Variants in ZNF609 observed in about 807,000 individuals in gnomAD.
ZNF609 encodes zinc finger protein 609.
In ZNF609, 11 loss-of-function variants were observed where a neutral mutation model predicts 109.5. The observed-to-expected ratio is 0.10, with a 90% CI of 0.06 to 0.17. The LOEUF (loss-of-function observed/expected upper bound fraction) is 0.17. Among genes scored for constraint, ZNF609 ranks in the 10% least tolerant of loss-of-function variants. The probability of loss-of-function intolerance (pLI) is 1.00; values close to 1 mark genes in which losing one functional copy is unlikely to be tolerated. For missense variants in ZNF609, 1,559 were observed against 1,772.4 expected (o/e 0.88, Z 2.16); for synonymous variants, 646 against 662.0 (o/e 0.98, Z 0.37).
At chr15:64,662,300 T>C (rs988464540) in intron 3 of ZNF609, among the ~76,000 whole-genome samples, 3 of 152,166 alleles carry the variant, frequency 2.0e-5, no homozygotes, top group Non-Finnish European at 2.9e-5. Flanking sequence ...CTTCTGCAAG[T>C]TGCTAAAGGC....
chr15:64,564,419 T>C (rs1894741497), intron 2 of ZNF609, among the ~76,000 whole-genome samples: 2 of 152,124 alleles, frequency 1.3e-5, no homozygotes, highest in South Asian at 4.1e-4. Context: ...GCTGTAAGTA[T>C]AGTGGGTGTT....
chr15:64,593,186 A>T (rs1895331597), intron 2 of ZNF609: 1 of 1,530,298 alleles, frequency 6.5e-7, no homozygotes. Context: ...GCTGTATGTG[A>T]AGCTGCATTA....
chr15:64,497,911 A>T (rs1452868068), intron 1 of ZNF609, among the ~76,000 whole-genome samples: 3 of 151,494 alleles, frequency 2.0e-5, no homozygotes, highest in Non-Finnish European at 2.9e-5. Context: ...AAAAAAAAAA[A>T]ATTTTTTTTT....
At chr15:64,463,858 G>T (rs758645423) in intron 1 of ZNF609, among the ~76,000 whole-genome samples, 2 of 152,178 alleles carry the variant, frequency 1.3e-5, no homozygotes, top group Non-Finnish European at 1.5e-5. Flanking sequence ...AAAGCTTTTT[G>T]CTCTTGGGCT....
chr15:64,583,619 A>T (rs1423151933), intron 2 of ZNF609, among the ~76,000 whole-genome samples: 1 of 151,954 alleles, frequency 6.6e-6, no homozygotes, highest in Non-Finnish European at 1.5e-5. Flanking sequence ...TTTGTGTTTG[A>T]CTGTTGCTGT....
chr15:64,510,653 G>A (rs1468147035), intron 2 of ZNF609, among the ~76,000 whole-genome samples: 1 of 152,126 alleles, frequency 6.6e-6, no homozygotes, highest in Non-Finnish European at 1.5e-5. Context: ...GTTTTTGAAT[G>A]TATGTCTTGT....
At chr15:64,465,598 G>A (rs922143547) in intron 1 of ZNF609, among the ~76,000 whole-genome samples, 20 of 151,792 alleles carry the variant, frequency 1.3e-4, no homozygotes, top group African/African-American at 4.4e-4. Flanking sequence ...CCAGGCTGCT[G>A]TAGAGCTCCT....
chr15:64,642,895 TTAGC>T (rs1326888575), intron 3 of ZNF609, among the ~76,000 whole-genome samples: 2 of 152,222 alleles, frequency 1.3e-5, no homozygotes, highest in African/African-American at 4.8e-5. Flanking sequence ...GAAGAAAATC[TTAGC>T]TAGTACGTAA....
intron 2 of ZNF609, among the ~76,000 whole-genome samples, chr15:64,595,057 G>A (rs954242045): frequency 1.3e-5 from 2 of 149,186 alleles, no homozygotes; most frequent in East Asian, 2.0e-4. Flanking sequence ...TGGGTTTGGA[G>A]CTGTGAGTTT....
Position 64,500,119 on chromosome 15 carries a change from G to A in ZNF609, c.700G>A (p.Glu234Lys). The A allele has an allele frequency of 6.2e-7, 1 of 1,614,020 alleles. No homozygotes were observed. Among genetic ancestry groups the A allele is most frequent in the Non-Finnish European group, 8.5e-7 (1 of 1,180,024 alleles). Residue 234 changes from glutamate (E) to lysine (K), a missense_variant, in exon 2 of 10, where the codon GAA becomes AAA. Around this residue, in one of 4 missense-constraint regions of ZNF609, gnomAD observed 291 missense variants for 317.8 expected, o/e 0.92. Transcript: ENST00000326648. The part of the protein sequence containing the change: ...NPLGTKPEPE[E>K]GENECRLLKK... ...TTTGGGAACTAAACCGGAGCCAGAG[G>A]AAGGGGAGAATGAGTGTCGCCTGCT...
At chr15:64,650,255 G>GAAA (rs111329104) in intron 3 of ZNF609, among the ~76,000 whole-genome samples, 5 of 137,288 alleles carry the variant, frequency 3.6e-5, no homozygotes, top group African/African-American at 1.3e-4. Context: ...AAATACAAAA[G>GAAA]AAAAAAAAAA....
intron 3 of ZNF609, among the ~76,000 whole-genome samples, chr15:64,658,049 G>A (rs1341287074): frequency 6.6e-6 from 1 of 152,154 alleles, no homozygotes; most frequent in Admixed American, 6.5e-5. Context: ...TTGATCCCCA[G>A]CTTTCTGTCT....
chr15:64,645,090 C>CCTCT (rs1896315526), intron 3 of ZNF609, among the ~76,000 whole-genome samples: 3 of 53,586 alleles, frequency 5.6e-5, no homozygotes, highest in Non-Finnish European at 7.7e-5. Flanking sequence ...TCTTTCCCTC[C>CCTCT]CTCCCTCCCT....
intron 2 of ZNF609, among the ~76,000 whole-genome samples, chr15:64,621,191 C>T (rs973126883): frequency 4.6e-5 from 7 of 152,252 alleles, no homozygotes; most frequent in East Asian, 1.9e-4. Flanking sequence ...ACTTAATCTT[C>T]GGAGGAAATA....
chr15:64,659,097 C>G (rs1896536536), intron 3 of ZNF609, among the ~76,000 whole-genome samples: 1 of 152,086 alleles, frequency 6.6e-6, no homozygotes, highest in African/African-American at 2.4e-5. Context: ...CCTTAAAGAT[C>G]TATGTTTCAT....
At chr15:64,514,562 C>A (rs1361794166) in intron 2 of ZNF609, among the ~76,000 whole-genome samples, 1 of 152,032 alleles carries the variant, frequency 6.6e-6, no homozygotes, top group South Asian at 2.1e-4. Flanking sequence ...GGCCCAGTGC[C>A]TTTGGTAGGT....
intron 2 of ZNF609, among the ~76,000 whole-genome samples, chr15:64,521,865 A>T (rs1006103690): frequency 6.6e-6 from 1 of 152,206 alleles, no homozygotes; most frequent in East Asian, 1.9e-4. Context: ...TCCCTTCATT[A>T]TTCTTTACTG....
At chr15:64,597,233 T>A (rs1003904983) in intron 2 of ZNF609, among the ~76,000 whole-genome samples, 1 of 152,206 alleles carries the variant, frequency 6.6e-6, no homozygotes, top group Non-Finnish European at 1.5e-5. Context: ...TCTTGCTCAG[T>A]GCCCTCAGCT....
rs1254143975 is a variant in ZNF609, at chr15:64,682,152, C to A, written c.*466C>A. The A allele has an allele frequency of 6.6e-6, 1 of 152,500 alleles. No homozygotes were observed. Among genetic ancestry groups the A allele is most frequent in the Non-Finnish European group, 1.5e-5 (1 of 68,072 alleles). 9.4% of individuals were successfully genotyped at this position (152,500 alleles called of 1,614,324 possible). On this transcript the variant is annotated 3_prime_UTR_variant, in exon 10 of 10. Transcript: ENST00000326648. The stretch of plus-strand genomic sequence containing the variant: ...GCCATACCCCTCACCATCATTACCA[C>A]CATCACCAGATTCTGCATCTCCCTA...
Sources: allele counts gnomAD v4.1 joint callset (sites outside exome capture counted in the v4.1 genomes callset), GRCh38; gene constraint gnomAD v4.1.1; regional missense constraint gnomAD v4.1.1; transcripts MANE v1.5; gene names NCBI Gene and HGNC (gene_info 2026-07-23, HGNC 2026-07-21).